The following RBM10 variants were observed in gnomAD, a reference collection of about 807,000 sequenced individuals.
RBM10 encodes RNA binding motif protein 10, also known as RNA-binding protein 10.
RBM10 carries 1 observed loss-of-function variant against 84.9 expected under a neutral mutation model. The ratio of observed to expected loss-of-function variants is 0.01; its 90% confidence interval spans 0.00 to 0.06. RBM10 has a LOEUF of 0.06. Ranked by LOEUF, RBM10 falls within the 10% of genes least tolerant of loss-of-function variation. The pLI, the probability that RBM10 is intolerant of heterozygous loss-of-function variation, is 1.00. For synonymous variants in RBM10, 326 were observed against 344.5 expected, an observed-to-expected ratio of 0.95 and a Z score of 0.60; for missense variants, 438 against 839.0, an observed-to-expected ratio of 0.52 and a Z score of 5.90.
intron 5 of RBM10, among the ~76,000 whole-genome samples, chrX:47,174,815 C>T (rs1556775369): frequency 9.0e-6 from 1 of 110,873 alleles, no homozygotes; most frequent in Non-Finnish European, 1.9e-5. Context: ...CCTCCACCTT[C>T]CCTGCCCCAC....
intron 2 of RBM10, among the ~76,000 whole-genome samples, chrX:47,159,865 C>T (rs1267511862): frequency 1.8e-5 from 2 of 112,110 alleles, no homozygotes; most frequent in African/African-American, 6.5e-5. Context: ...AGGCCAGGCG[C>T]GGTGGCTCAT....
intron 2 of RBM10, among the ~76,000 whole-genome samples, chrX:47,153,310 C>T (rs1456013032): frequency 8.9e-6 from 1 of 112,091 alleles, no homozygotes; most frequent in Non-Finnish European, 1.9e-5. Context: ...CAATAATGTC[C>T]TTTATAATGG....
intron 6 of RBM10, among the ~76,000 whole-genome samples, chrX:47,175,963 G>A (rs183816869): frequency 0.016 from 1,863 of 112,923 alleles, 12 homozygotes; most frequent in Non-Finnish European, 0.026. Context: ...CCGTCTCCTC[G>A]GGGTTGGTAG....
intron 2 of RBM10, among the ~76,000 whole-genome samples, chrX:47,166,461 TTCTC>T (rs782407782): frequency 1.8e-4 from 20 of 111,224 alleles, no homozygotes; most frequent in East Asian, 8.4e-4. Flanking sequence ...ATTCTCATCT[TTCTC>T]TCTCTCTTTT....
chrX:47,145,466 T>A lies in RBM10; in HGVS notation c.-145T>A. On this transcript the variant is annotated 5_prime_UTR_variant, in exon 1 of 24. It introduces an in-frame stop codon into an upstream open reading frame of the 5' UTR. Transcript: ENST00000377604. ...GAGGTGATGTCTGGGAGCCCTTCCT[T>A]GACAGCCCGGGCCGAGAAGGTGAGC... 6.9e-6 allele frequency: 8 copies of A among 1,151,643 alleles called. No homozygotes were observed. Among genetic ancestry groups the A allele is most frequent in the Non-Finnish European group, 9.2e-6 (8 of 871,373 alleles). 94.9% of individuals were successfully genotyped at this position (1,151,643 alleles called of 1,213,427 possible).
intron 17 of RBM10, among the ~76,000 whole-genome samples, chrX:47,183,688 T>C (rs1270456849): frequency 9.1e-6 from 1 of 110,375 alleles, no homozygotes; most frequent in African/African-American, 3.3e-5. Flanking sequence ...ACTTGTTTAT[T>C]TTATTTATTT....
intron 2 of RBM10, among the ~76,000 whole-genome samples, chrX:47,164,059 C>T (rs934759459): frequency 4.6e-5 from 5 of 107,564 alleles, no homozygotes; most frequent in Non-Finnish European, 9.6e-5. Context: ...TTAGTAGAGA[C>T]GGGGTTTCAC....
rs782759948 is a variant in RBM10, at chrX:47,185,363, G to A, written c.2162G>A (p.Arg721His). Residue 721 changes from arginine (R) to histidine (H), a missense_variant, in exon 19 of 24, where the codon CGC (arginine) becomes CAC (histidine). Arg to His is a conservative substitution (Grantham distance 29, BLOSUM62 0). Coordinates refer to ENST00000377604, the MANE Select transcript of RBM10 (RefSeq NM_005676.5). ...MDLPKLASDD[R>H]PSPPRGLVAA... ...CTCCCGAAATTGGCCAGTGACGACC[G>A]CCCAGTGAGTGCCCAAGGCAGAGAG... The A allele has an allele frequency of 3.3e-6, 4 of 1,199,527 alleles. No homozygotes were observed. Among genetic ancestry groups the A allele is most frequent in the Non-Finnish European group, 4.5e-6 (4 of 889,120 alleles).
intron 2 of RBM10, among the ~76,000 whole-genome samples, chrX:47,168,889 G>A (rs1437724396): frequency 2.7e-5 from 3 of 111,302 alleles, no homozygotes; most frequent in Non-Finnish European, 5.7e-5. Context: ...GAAGTGAGGA[G>A]AACAGCCAGG....
In RBM10 at chrX:47,145,358, G is replaced by T. The variant is rs181770538; in HGVS notation, c.-253G>T. 7.0e-5 allele frequency: 69 copies of T among 992,740 alleles called. No homozygotes were observed. Among genetic ancestry groups the T allele is most frequent in the Non-Finnish European group, 8.5e-5 (62 of 725,263 alleles). The allele number at this position is 992,740 out of a possible 1,213,427, so 81.8% of individuals were successfully genotyped here. A position where few individuals can be genotyped will look rare whatever the true frequency, so the allele number is the denominator to read the frequency against. ...CGCTTGGCGCTTCTCCCCTCCCCCC[G>T]ATCTGCCTCCAGTCTCGGACTTGGT... On this transcript the variant is annotated 5_prime_UTR_variant, in exon 1 of 24. Transcript: ENST00000377604.
chrX:47,173,449 G>A (rs1335824740), intron 5 of RBM10, among the ~76,000 whole-genome samples: 3 of 112,375 alleles, frequency 2.7e-5, no homozygotes, highest in Non-Finnish European at 5.6e-5. Context: ...CCTGGGGTCA[G>A]GGCCAGGGCC....
At chrX:47,173,712 T>TTCCC (rs1178608829) in intron 5 of RBM10, among the ~76,000 whole-genome samples, 6 of 110,783 alleles carry the variant, frequency 5.4e-5, no homozygotes, top group Non-Finnish European at 9.5e-5. Context: ...GCCTCGCCTG[T>TTCCC]TCCCTCCCTC....
At chrX:47,181,176 C>A in intron 12 of RBM10, 39 bp from the exon 13 acceptor site, 1 of 299,616 alleles carries the variant, frequency 3.3e-6, no homozygotes, top group Non-Finnish European at 5.7e-6. Context: ...CACCCCCACA[C>A]CTTCCTGTTC....
rs781924321 is a variant in RBM10 at position 47,186,539 on chromosome X, C to T, written c.2733C>T (p.Thr911=). ...ARGSSYGVTS[T]ESYKETLHKT... is the part of the protein sequence containing the mutation. The stretch of plus-strand genomic sequence containing the variant: ...GCAGCTCCTACGGGGTCACCTCAAC[C>T]GAGTCCTACAAGGAGACACTGCACA... Residue 911 remains threonine, a synonymous_variant, in exon 24 of 24, where the codon ACC becomes ACT. Coordinates refer to ENST00000377604, the MANE Select transcript of RBM10 (RefSeq NM_005676.5). The T allele has an allele frequency of 1.2e-5, 14 of 1,210,350 alleles. No homozygotes were observed. Among genetic ancestry groups the T allele is most frequent in the Admixed American group, 6.5e-5 (3 of 45,887 alleles).
At position 47,169,350 on chromosome X, in the gene RBM10, C is replaced by G. The variant is rs2147127864; in HGVS notation, c.53C>G (p.Ala18Gly). The G allele has an allele frequency of 8.3e-7, 1 of 1,211,460 alleles. No homozygotes were observed. The highest frequency in any genetic ancestry group is 1.8e-5 in the South Asian group (1 of 56,915). ...GGTGACAGGACTGGCCGCTATGGAG[C>G]CACTGACCGCTCGCAGGATGATGGT... is the stretch of plus-strand genomic sequence containing the variant. ...GRGDRTGRYG[A>G]TDRSQDDGGE... Residue 18 changes from alanine (A) to glycine (G), a missense_variant, in exon 3 of 24, where the codon GCC (alanine) becomes GGC (glycine). Coordinates refer to ENST00000377604, the MANE Select transcript of RBM10 (RefSeq NM_005676.5).
In RBM10 at chrX:47,145,331, C is replaced by A. The variant is rs934306506; in HGVS notation, c.-280C>A. The A allele has an allele frequency of 9.5e-5, 77 of 813,302 alleles. No homozygotes were observed. In the African/African-American group the frequency reaches 1.2e-3, roughly 13 times the overall value. 67.0% of individuals were successfully genotyped at this position (813,302 alleles called of 1,213,427 possible). ...GCAGTGAGTTTCCCTGGGAGGGCAG[C>A]GCGCTTGGCGCTTCTCCCCTCCCCC... On this transcript the variant is annotated 5_prime_UTR_variant, in exon 1 of 24. Coordinates refer to ENST00000377604, the MANE Select transcript of RBM10 (RefSeq NM_005676.5).
chrX:47,174,925 C>G, intron 5 of RBM10, 94 bp from the exon 6 acceptor site: 1 of 653,859 alleles, frequency 1.5e-6, no homozygotes, highest in East Asian at 3.2e-5. Context: ...CTCTCTGCCC[C>G]CCGTCCTCTC....
chrX:47,186,385 G>A lies in RBM10; in HGVS notation c.2665G>A (p.Glu889Lys), dbSNP rs2147227368. ...RKKQGIVTPIEAQTRVRGSGL... is the reference protein window; with the variant it reads ...RKKQGIVTPIKAQTRVRGSGL... ...GAAGCAGGGCATTGTAACGCCTATCGAGGTGAGTCTCAGGCAGTCCTGTCC... is the reference window on the plus strand; with the variant it reads ...GAAGCAGGGCATTGTAACGCCTATCAAGGTGAGTCTCAGGCAGTCCTGTCC... The change falls in exon 23 of 24, where the codon GAG becomes AAG. Residue 889 changes from glutamate to lysine, a missense_variant and splice_region_variant. Glu to Lys is a moderately conservative substitution (Grantham distance 56). Coordinates refer to ENST00000377604, the MANE Select transcript of RBM10 (RefSeq NM_005676.5). The A allele has an allele frequency of 2.5e-6, 3 of 1,195,176 alleles. No individual in the cohort carries two copies. Among genetic ancestry groups the A allele is most frequent in the East Asian group, 3.1e-5 (1 of 32,712 alleles).
intron 2 of RBM10, among the ~76,000 whole-genome samples, chrX:47,152,774 GACACACAC>G (rs370048928): frequency 1.9e-3 from 156 of 80,346 alleles, no homozygotes; most frequent in African/African-American, 4.2e-3. Flanking sequence ...TCTTTACATA[GACACACAC>G]ACACACACAC....
Sources: gnomAD v4.1 joint callset for allele counts (sites outside exome capture counted in the v4.1 genomes callset) on GRCh38, gnomAD v4.1.1 for gene constraint, MANE v1.5 for transcripts, NCBI Gene and HGNC (gene_info 2026-07-23, HGNC 2026-07-21) for gene names.